NTNG1: variants seen among roughly 807,000 people sequenced by gnomAD.
NTNG1 encodes the protein netrin-G1.
NTNG1 carries 16 observed loss-of-function variants against 54.0 expected under a neutral mutation model. The observed-to-expected ratio is 0.30, with a 90% CI of 0.20 to 0.45. The LOEUF (loss-of-function observed/expected upper bound fraction) is 0.45. Ranked by LOEUF, NTNG1 falls within the 20% of genes least tolerant of loss-of-function variation. The probability of loss-of-function intolerance (pLI) is 1.00; values close to 1 mark genes in which losing one functional copy is unlikely to be tolerated. For synonymous variants in NTNG1, 255 were observed against 263.1 expected, an observed-to-expected ratio of 0.97 and a Z score of 0.30; for missense variants, 530 against 678.7, an observed-to-expected ratio of 0.78 and a Z score of 2.43.
chr1:107,363,685 T>C (rs1203814390), intron 3 of NTNG1, among the ~76,000 whole-genome samples: 3 of 152,200 alleles, frequency 2.0e-5, no homozygotes, highest in African/African-American at 7.2e-5. Context: ...AGATTGCTTC[T>C]CCTTCAGACG....
chr1:107,324,279 T>C lies in NTNG1; in HGVS notation c.247-3T>C, dbSNP rs567334404. 34 of 1,611,528 alleles carry C rather than the reference T, an allele frequency of 2.1e-5. No individual in the cohort carries two copies. Among genetic ancestry groups the C allele is most frequent in the African/African-American group, 4.0e-5 (3 of 74,930 alleles). On this transcript the variant is annotated splice_region_variant and splice_polypyrimidine_tract_variant and intron_variant, in intron 2 of 7. Transcript: ENST00000370068. ...TGCACGCTCTTTTGTTCTTCTTCCA[T>C]AGGGCAATCCCTACATGTGCAATAA... is the stretch of plus-strand genomic sequence containing the variant.
intron 2 of NTNG1, among the ~76,000 whole-genome samples, chr1:107,202,372 G>T (rs977649036): frequency 1.3e-5 from 2 of 151,720 alleles, no homozygotes; most frequent in African/African-American, 2.4e-5. Context: ...TAATTGTAAA[G>T]AATCAGTCAG....
chr1:107,214,837 A>G, intron 2 of NTNG1, among the ~76,000 whole-genome samples: 1 of 149,962 alleles, frequency 6.7e-6, no homozygotes, highest in East Asian at 2.0e-4. Context: ...TGCAGGAGTG[A>G]GGTGGTATCA....
chr1:107,155,408 C>T (rs531584868), intron 2 of NTNG1, among the ~76,000 whole-genome samples: 18 of 152,148 alleles, frequency 1.2e-4, no homozygotes, highest in Non-Finnish European at 2.4e-4. Flanking sequence ...CTTTTTAACT[C>T]ATGTTAAATC....
intron 2 of NTNG1, among the ~76,000 whole-genome samples, chr1:107,275,270 G>A (rs552696781): frequency 6.6e-6 from 1 of 152,198 alleles, no homozygotes; most frequent in Non-Finnish European, 1.5e-5. Context: ...TCAGCTACTC[G>A]GGAGGCTGAG....
At chr1:107,153,384 T>G (rs1654733583) in intron 2 of NTNG1, among the ~76,000 whole-genome samples, 1 of 152,192 alleles carries the variant, frequency 6.6e-6, no homozygotes, top group South Asian at 2.1e-4. Context: ...TATATAATAA[T>G]CAAATAATCT....
At chr1:107,271,122 A>C (rs527802334) in intron 2 of NTNG1, among the ~76,000 whole-genome samples, 1 of 152,228 alleles carries the variant, frequency 6.6e-6, no homozygotes, top group Non-Finnish European at 1.5e-5. Flanking sequence ...AACTTTGTCT[A>C]TAAAGATACA....
intron 3 of NTNG1, among the ~76,000 whole-genome samples, chr1:107,379,038 T>C (rs1051802276): frequency 2.0e-5 from 3 of 152,246 alleles, no homozygotes; most frequent in African/African-American, 7.2e-5. Flanking sequence ...TCTATTTGAC[T>C]TTTACTACAT....
intron 2 of NTNG1, among the ~76,000 whole-genome samples, chr1:107,158,783 T>C (rs1156698907): frequency 6.6e-6 from 1 of 152,136 alleles, no homozygotes; most frequent in Admixed American, 6.6e-5. Flanking sequence ...TAGAAAAGAT[T>C]AGACAAGTGT....
chr1:107,285,601 T>C (rs907511553), intron 2 of NTNG1, among the ~76,000 whole-genome samples: 3 of 152,200 alleles, frequency 2.0e-5, no homozygotes, highest in African/African-American at 7.2e-5. Context: ...AGCAATTTTA[T>C]TTGTGGTGCT....
intron 3 of NTNG1, among the ~76,000 whole-genome samples, chr1:107,378,789 C>T (rs944507624): frequency 3.3e-5 from 5 of 152,144 alleles, no homozygotes; most frequent in Admixed American, 6.5e-5. Flanking sequence ...CCTCCTGGCT[C>T]AGTCTGGCGG....
chr1:107,155,537 C>T (rs1218627930), intron 2 of NTNG1, among the ~76,000 whole-genome samples: 1 of 152,062 alleles, frequency 6.6e-6, no homozygotes. Flanking sequence ...TTTAGCACCT[C>T]ATTAGATCTT....
At chr1:107,352,766 A>G in intron 3 of NTNG1, among the ~76,000 whole-genome samples, 1 of 152,216 alleles carries the variant, frequency 6.6e-6, no homozygotes, top group East Asian at 1.9e-4. Flanking sequence ...TCTCTTTGTA[A>G]TATGCCTGTT....
intron 2 of NTNG1, among the ~76,000 whole-genome samples, chr1:107,278,892 C>T (rs1664655950): frequency 6.6e-6 from 1 of 152,114 alleles, no homozygotes; most frequent in Non-Finnish European, 1.5e-5. Context: ...TTCTACTTTC[C>T]CTTCTCCCAT....
intron 2 of NTNG1, among the ~76,000 whole-genome samples, chr1:107,231,627 T>C (rs926744363): frequency 3.9e-5 from 6 of 152,134 alleles, no homozygotes; most frequent in African/African-American, 1.4e-4. Flanking sequence ...TTAAATTACA[T>C]TGCCTCTCAC....
At chr1:107,467,805 G>A (rs560473180) in intron 7 of NTNG1, among the ~76,000 whole-genome samples, 1 of 152,334 alleles carries the variant, frequency 6.6e-6, no homozygotes, top group South Asian at 2.1e-4. Context: ...AAATTTAAAT[G>A]TTTGGTCTCC....
At chr1:107,444,207 C>T (rs966338528) in intron 7 of NTNG1, among the ~76,000 whole-genome samples, 3 of 152,062 alleles carry the variant, frequency 2.0e-5, no homozygotes, top group Non-Finnish European at 4.4e-5. Context: ...AGATGCAGCT[C>T]TTATTTTCCC....
intron 2 of NTNG1, among the ~76,000 whole-genome samples, chr1:107,315,775 A>T (rs1048161971): frequency 2.0e-5 from 3 of 152,156 alleles, no homozygotes; most frequent in Admixed American, 6.5e-5. Flanking sequence ...TGCCTTTCCA[A>T]CTAACCTGTA....
chr1:107,223,863 G>A (rs1374477745), intron 2 of NTNG1, among the ~76,000 whole-genome samples: 2 of 152,130 alleles, frequency 1.3e-5, no homozygotes, highest in Non-Finnish European at 1.5e-5. Context: ...AATTGTGTCA[G>A]ATTGAAGGGT....
Sources: allele counts gnomAD v4.1 joint callset (sites outside exome capture counted in the v4.1 genomes callset), GRCh38; gene constraint gnomAD v4.1.1; transcripts MANE v1.5; gene names NCBI Gene and HGNC (gene_info 2026-07-23, HGNC 2026-07-21).